Variants in SUPT3H observed in about 807,000 individuals in gnomAD.
SUPT3H encodes the protein SPT3 homolog, SAGA and STAGA complex component.
In SUPT3H, 44 loss-of-function variants were observed where a neutral mutation model predicts 44.3. The observed-to-expected ratio is 0.99, with a 90% CI of 0.78 to 1.28. The LOEUF is 1.28. Ranked by LOEUF, SUPT3H falls within the 50% of genes most tolerant of loss-of-function variation. SUPT3H has a pLI of 0.00. For missense variants in SUPT3H, 380 were observed against 387.1 expected (o/e 0.98, Z 0.15); for synonymous variants, 124 against 125.6 (o/e 0.99, Z 0.09).
intron 10 of SUPT3H, among the ~76,000 whole-genome samples, chr6:44,851,187 A>G (rs910618911): frequency 1.3e-5 from 2 of 152,248 alleles, no homozygotes; most frequent in East Asian, 3.8e-4. Context: ...ATACCTTTCC[A>G]TGGCCCTTTA....
At chr6:45,257,499 G>A (rs887617421) in intron 2 of SUPT3H, among the ~76,000 whole-genome samples, 3 of 152,158 alleles carry the variant, frequency 2.0e-5, no homozygotes, top group Non-Finnish European at 4.4e-5. Flanking sequence ...CTAGGTTTGG[G>A]TCACATGACC....
intron 9 of SUPT3H, among the ~76,000 whole-genome samples, chr6:44,944,296 T>C (rs758111348): frequency 2.6e-5 from 4 of 151,860 alleles, no homozygotes; most frequent in Admixed American, 6.6e-5. Flanking sequence ...GAAATCAATA[T>C]ATAAATTAAA....
intron 2 of SUPT3H, among the ~76,000 whole-genome samples, chr6:45,111,444 G>A (rs2153574348): frequency 6.6e-6 from 1 of 151,900 alleles, no homozygotes; most frequent in East Asian, 1.9e-4. Context: ...AGTTTGCCTG[G>A]GATTGAGGGG....
chr6:45,053,908 C>G (rs1318167350), intron 3 of SUPT3H, among the ~76,000 whole-genome samples: 1 of 143,830 alleles, frequency 7.0e-6, no homozygotes, highest in Non-Finnish European at 1.5e-5. Flanking sequence ...GAGCAAGACT[C>G]CGTCTCAAAA....
At chr6:45,305,362 A>T (rs56030343) in intron 2 of SUPT3H, among the ~76,000 whole-genome samples, 2,117 of 152,340 alleles carry the variant, frequency 0.014, 27 homozygotes, top group Non-Finnish European at 0.022. Context: ...TATTACACAT[A>T]TAAAATGAAT....
chr6:44,865,046 T>C (rs1309017392), intron 10 of SUPT3H, among the ~76,000 whole-genome samples: 2 of 152,222 alleles, frequency 1.3e-5, no homozygotes, highest in Admixed American at 1.3e-4. Flanking sequence ...TTCTGCCAGA[T>C]ACCTTAAATC....
chr6:44,895,369 A>G (rs7754378), intron 10 of SUPT3H, among the ~76,000 whole-genome samples: 68,388 of 151,144 alleles, frequency 0.45, 15,965 homozygotes, highest in Admixed American at 0.55. Context: ...GATTACAGGC[A>G]CACAGTACCA....
intron 3 of SUPT3H, among the ~76,000 whole-genome samples, chr6:45,030,999 A>G (rs1786834056): frequency 6.6e-6 from 1 of 152,194 alleles, no homozygotes; most frequent in African/African-American, 2.4e-5. Context: ...CGAATACAGT[A>G]GTCGAAGCTT....
chr6:44,935,535 T>G (rs1475678020), intron 9 of SUPT3H, among the ~76,000 whole-genome samples: 2 of 152,164 alleles, frequency 1.3e-5, no homozygotes. Flanking sequence ...TTTGCAGAAA[T>G]CTCTCTGGGA....
At chr6:45,367,946 T>C (rs921679883) in intron 1 of SUPT3H, among the ~76,000 whole-genome samples, 2 of 152,202 alleles carry the variant, frequency 1.3e-5, no homozygotes, top group African/African-American at 4.8e-5. Flanking sequence ...CATTGTTTGA[T>C]TTAGATAATT....
At chr6:45,196,618 C>T (rs927657) in intron 2 of SUPT3H, among the ~76,000 whole-genome samples, 11,469 of 151,990 alleles carry the variant, frequency 0.075, 867 homozygotes, top group African/African-American at 0.18. Flanking sequence ...TAGCATTACA[C>T]AAACATCTTT....
At chr6:44,999,599 A>G (rs1342964672) in intron 6 of SUPT3H, among the ~76,000 whole-genome samples, 1 of 151,998 alleles carries the variant, frequency 6.6e-6, no homozygotes, top group African/African-American at 2.4e-5. Context: ...TTTTAAGACT[A>G]TTGCTCATTT....
At chr6:44,877,717 C>A (rs762472680) in intron 10 of SUPT3H, among the ~76,000 whole-genome samples, 7 of 152,128 alleles carry the variant, frequency 4.6e-5, no homozygotes, top group African/African-American at 7.2e-5. Context: ...GCAAACCTCT[C>A]CTGCATCAAA....
chr6:45,228,440 G>T (rs1012003827), intron 2 of SUPT3H, among the ~76,000 whole-genome samples: 3 of 152,052 alleles, frequency 2.0e-5, no homozygotes, highest in African/African-American at 7.2e-5. Flanking sequence ...CTTGCCTATT[G>T]TCTTAAACCT....
At chr6:45,033,576 C>G (rs1367818755) in intron 3 of SUPT3H, among the ~76,000 whole-genome samples, 1 of 152,114 alleles carries the variant, frequency 6.6e-6, no homozygotes, top group Non-Finnish European at 1.5e-5. Context: ...ATGACTATCA[C>G]TATGAAAAGT....
intron 10 of SUPT3H, among the ~76,000 whole-genome samples, chr6:44,841,486 G>T: frequency 6.6e-6 from 1 of 152,158 alleles, no homozygotes; most frequent in Admixed American, 6.5e-5. Context: ...CACATAGGAG[G>T]TGCTGTACTT....
intron 10 of SUPT3H, among the ~76,000 whole-genome samples, chr6:44,888,655 T>C (rs868848597): frequency 1.1e-4 from 16 of 152,072 alleles, no homozygotes; most frequent in African/African-American, 2.4e-4. Context: ...CCACAGCCAA[T>C]ATCATACTGA....
intron 2 of SUPT3H, among the ~76,000 whole-genome samples, chr6:45,340,996 T>A (rs558441111): frequency 1.3e-5 from 2 of 152,330 alleles, no homozygotes; most frequent in South Asian, 4.1e-4. Context: ...CTTTAACTTC[T>A]AATTATAATT....
chr6:45,214,360 G>C (rs1764682106), intron 2 of SUPT3H, among the ~76,000 whole-genome samples: 1 of 152,000 alleles, frequency 6.6e-6, no homozygotes, highest in African/African-American at 2.4e-5. Flanking sequence ...GATAGTAAAA[G>C]CTGGGGCAAG....
Sources: gnomAD v4.1 joint callset for allele counts (sites outside exome capture counted in the v4.1 genomes callset) on GRCh38, gnomAD v4.1.1 for gene constraint, MANE v1.5 for transcripts, NCBI Gene and HGNC (gene_info 2026-07-23, HGNC 2026-07-21) for gene names.